The following ZNF385D variants were observed in gnomAD, a reference collection of about 807,000 sequenced individuals.
ZNF385D encodes the protein zinc finger protein 659.
In ZNF385D, 15 loss-of-function variants were observed where a neutral mutation model predicts 35.8. The observed-to-expected ratio is 0.42, with a 90% confidence interval of 0.28 to 0.64. The LOEUF is 0.64. Among genes scored for constraint, ZNF385D ranks in the 30% least tolerant of loss-of-function variants. The pLI, the probability that ZNF385D is intolerant of heterozygous loss-of-function variation, is 0.23. For missense variants in ZNF385D, 474 were observed against 494.6 expected, an observed-to-expected ratio of 0.96 and a Z score of 0.39; for synonymous variants, 212 against 186.8, an observed-to-expected ratio of 1.13 and a Z score of -1.10.
At chr3:21,720,698 G>A (rs1013508208) in intron 1 of ZNF385D, among the ~76,000 whole-genome samples, 1 of 152,214 alleles carries the variant, frequency 6.6e-6, no homozygotes, top group African/African-American at 2.4e-5. Flanking sequence ...GTGACTTGGA[G>A]AAGTCATCAA....
chr3:21,550,519 G>T (rs768851774), intron 3 of ZNF385D, among the ~76,000 whole-genome samples: 29 of 152,134 alleles, frequency 1.9e-4, no homozygotes, highest in Non-Finnish European at 3.4e-4. Flanking sequence ...GTCTCACTCT[G>T]TTGCCCAGGC....
chr3:21,804,321 G>A (rs1471970783), intron 3 of ZNF385D, among the ~76,000 whole-genome samples: 1 of 152,038 alleles, frequency 6.6e-6, no homozygotes, highest in Non-Finnish European at 1.5e-5. Context: ...GAATTGAAAA[G>A]GCTAAATATA....
chr3:21,807,833 T>C (rs965602786), intron 3 of ZNF385D, among the ~76,000 whole-genome samples: 1 of 152,206 alleles, frequency 6.6e-6, no homozygotes, highest in African/African-American at 2.4e-5. Context: ...TTTGAAAAAG[T>C]CTCTGAGATG....
At chr3:22,171,521 G>A (rs1288976740) in intron 2 of ZNF385D, among the ~76,000 whole-genome samples, 1 of 152,082 alleles carries the variant, frequency 6.6e-6, no homozygotes, top group Non-Finnish European at 1.5e-5. Flanking sequence ...AAAATATGTG[G>A]TATTGACACT....
At chr3:22,156,486 C>T (rs979517817) in intron 3 of ZNF385D, among the ~76,000 whole-genome samples, 6 of 152,022 alleles carry the variant, frequency 3.9e-5, no homozygotes, top group South Asian at 2.1e-4. Context: ...AGAGAGAGAA[C>T]GCTACTTGCT....
chr3:21,652,340 G>A (rs1162222689), intron 2 of ZNF385D, among the ~76,000 whole-genome samples: 1 of 152,130 alleles, frequency 6.6e-6, no homozygotes, highest in Non-Finnish European at 1.5e-5. Context: ...GGGCATGTTA[G>A]ATATGCCTCT....
At chr3:22,032,592 T>C (rs1036342503) in intron 3 of ZNF385D, among the ~76,000 whole-genome samples, 3 of 152,132 alleles carry the variant, frequency 2.0e-5, no homozygotes, top group Admixed American at 6.6e-5. Context: ...AAGCAGTGTA[T>C]AGAACTAGTA....
At chr3:21,888,084 C>G (rs920661252) in intron 3 of ZNF385D, among the ~76,000 whole-genome samples, 1 of 152,058 alleles carries the variant, frequency 6.6e-6, no homozygotes, top group African/African-American at 2.4e-5. Flanking sequence ...ATTGCTCCCC[C>G]CCTTTTTTGG....
At chr3:22,117,407 G>A (rs76129325) in intron 3 of ZNF385D, among the ~76,000 whole-genome samples, 1 of 151,946 alleles carries the variant, frequency 6.6e-6, no homozygotes, top group Non-Finnish European at 1.5e-5. Flanking sequence ...AAATTATGGG[G>A]AATGGTTACA....
Position 21,508,969 on chromosome 3 carries a change from C to CTTT in ZNF385D, c.439+1889_439+1891dup, listed in dbSNP as rs200174782. 1.9e-3 allele frequency among the ~76,000 whole-genome samples: 264 copies of CTTT among 142,284 alleles called. 4 individuals carry two copies. The highest frequency in any genetic ancestry group is 3.2e-3 in the African/African-American group (125 of 38,908). The allele number at this position is 142,284 out of a possible 152,430, so 93.3% of individuals were successfully genotyped here. A position where few individuals can be genotyped will look rare whatever the true frequency, so the allele number is the denominator to read the frequency against. On this transcript the variant is annotated intron_variant, in intron 4 of 7. Coordinates refer to ENST00000281523, the MANE Select transcript of ZNF385D (RefSeq NM_024697.3). Reference sequence around the variant, plus strand: ...TTAACAGAGACAACACACCTGGGGGCTTTTTTTTTTTTTCTTTTTCTTTTT... The same window carrying CTTT: ...TTAACAGAGACAACACACCTGGGGGCTTTTTTTTTTTTTTTTCTTTTTCTTTTT...
intron 5 of ZNF385D, among the ~76,000 whole-genome samples, chr3:21,426,491 G>T (rs1253989493): frequency 6.6e-6 from 1 of 152,032 alleles, no homozygotes; most frequent in African/African-American, 2.4e-5. Flanking sequence ...GTTCATAATG[G>T]CAGTTTTCTC....
intron 3 of ZNF385D, among the ~76,000 whole-genome samples, chr3:21,805,860 A>C (rs2072618229): frequency 6.6e-6 from 1 of 152,086 alleles, no homozygotes; most frequent in Admixed American, 6.6e-5. Flanking sequence ...AAAATGAACC[A>C]TTTTTCCCTG....
At chr3:22,105,694 T>C (rs906478615) in intron 3 of ZNF385D, among the ~76,000 whole-genome samples, 2 of 152,026 alleles carry the variant, frequency 1.3e-5, no homozygotes, top group African/African-American at 4.8e-5. Flanking sequence ...AATTCAACCT[T>C]CCTCCACCTT....
intron 3 of ZNF385D, among the ~76,000 whole-genome samples, chr3:22,070,174 GC>G (rs1700160212): frequency 6.6e-6 from 1 of 151,958 alleles, no homozygotes; most frequent in Non-Finnish European, 1.5e-5. Context: ...CTAACAACAA[GC>G]ATTATCTACT....
At chr3:21,770,355 T>C (rs954179605) in intron 3 of ZNF385D, among the ~76,000 whole-genome samples, 6 of 152,068 alleles carry the variant, frequency 3.9e-5, no homozygotes, top group African/African-American at 1.4e-4. Context: ...AAAGGGCTAA[T>C]ATCCAGAATC....
intron 3 of ZNF385D, among the ~76,000 whole-genome samples, chr3:21,799,891 C>G (rs138684823): frequency 8.5e-4 from 130 of 152,226 alleles, no homozygotes; most frequent in Non-Finnish European, 1.3e-3. Flanking sequence ...TTAGAATGCA[C>G]ATAGAGGCCT....
chr3:22,125,172 A>C (rs377398418), intron 3 of ZNF385D, among the ~76,000 whole-genome samples: 1 of 152,122 alleles, frequency 6.6e-6, no homozygotes. Context: ...TGAAGAGACT[A>C]TCCTTTTCCC....
At chr3:21,909,355 G>T (rs188498503) in intron 3 of ZNF385D, among the ~76,000 whole-genome samples, 6 of 151,996 alleles carry the variant, frequency 3.9e-5, no homozygotes, top group African/African-American at 1.4e-4. Flanking sequence ...TCATGGCTGA[G>T]AATTTGGCAA....
intron 3 of ZNF385D, among the ~76,000 whole-genome samples, chr3:21,824,684 A>C (rs918950707): frequency 3.9e-5 from 6 of 152,176 alleles, no homozygotes. Flanking sequence ...CTAAGTAGGA[A>C]ATGAAATTAT....
Sources: allele counts gnomAD v4.1 joint callset (sites outside exome capture counted in the v4.1 genomes callset), GRCh38; gene constraint gnomAD v4.1.1; transcripts MANE v1.5; gene names NCBI Gene and HGNC (gene_info 2026-07-23, HGNC 2026-07-21).